Variants in FAM114A1 observed in about 807,000 individuals in gnomAD.
The protein encoded by FAM114A1 is family with sequence similarity 114 member A1.
FAM114A1 carries 62 observed loss-of-function variants against 64.3 expected under a neutral mutation model. The ratio of observed to expected loss-of-function variants is 0.96; its 90% CI spans 0.79 to 1.19. FAM114A1 has a LOEUF of 1.19. Ranked by LOEUF, FAM114A1 falls within the 50% of genes most tolerant of loss-of-function variation. FAM114A1 has a pLI of 0.00. For missense variants in FAM114A1, 645 were observed against 676.3 expected (o/e 0.95, Z 0.51); for synonymous variants, 254 against 251.1 (o/e 1.01, Z -0.11).
intron 12 of FAM114A1, among the ~76,000 whole-genome samples, chr4:38,932,836 C>G (rs942727421): frequency 6.6e-6 from 1 of 151,122 alleles, no homozygotes; most frequent in Non-Finnish European, 1.5e-5. Context: ...CATTGTTCTA[C>G]GGTCATCTTA....
intron 2 of FAM114A1, among the ~76,000 whole-genome samples, chr4:38,871,570 G>A (rs2109515277): frequency 6.6e-6 from 1 of 152,120 alleles, no homozygotes; most frequent in Non-Finnish European, 1.5e-5. Context: ...AGTTTCTGGG[G>A]TATTTCTGAA....
chr4:38,939,886 C>CTTTTTTTTTTT (rs545845095), intron 13 of FAM114A1, among the ~76,000 whole-genome samples: 2 of 131,668 alleles, frequency 1.5e-5, no homozygotes, highest in Admixed American at 7.6e-5. Context: ...CACTTTCTTT[C>CTTTTTTTTTTT]TTTTTTTTTT....
At chr4:38,878,842 C>T (rs1714934756) in intron 3 of FAM114A1, among the ~76,000 whole-genome samples, 2 of 152,186 alleles carry the variant, frequency 1.3e-5, no homozygotes, top group Admixed American at 1.3e-4. Flanking sequence ...ATCATGACTC[C>T]AGATAATTAA....
intron 2 of FAM114A1, among the ~76,000 whole-genome samples, chr4:38,876,643 T>C (rs1194277965): frequency 1.3e-5 from 2 of 152,240 alleles, no homozygotes. Flanking sequence ...TTCCTATCAG[T>C]GCTGTGACAA....
intron 7 of FAM114A1, 107 bp from the exon 8 acceptor site, chr4:38,914,814 C>A: frequency 8.0e-7 from 1 of 1,242,684 alleles, no homozygotes; most frequent in Non-Finnish European, 1.1e-6. Context: ...ACCAGAATCT[C>A]CCCCTCTCCA....
In FAM114A1 at chr4:38,931,396, A is replaced by G. The variant is rs1720617450; in HGVS notation, c.1162-55A>G. ...TGATTCTAGTCTTGGGGTTGGAATG[A>G]CTTAGTTTCCATATTTGCGCCATAA... On this transcript the variant is annotated intron_variant, in intron 10 of 14. Transcript: ENST00000358869. The G allele has an allele frequency of 5.2e-6, 8 of 1,546,192 alleles. No individual in the cohort carries two copies. In the South Asian group the frequency reaches 1.0e-4, roughly 20 times the overall value.
chr4:38,939,461 T>C (rs2109812500), intron 13 of FAM114A1, among the ~76,000 whole-genome samples: 1 of 152,338 alleles, frequency 6.6e-6, no homozygotes, highest in South Asian at 2.1e-4. Flanking sequence ...AAAACCAATG[T>C]CATCTTATTG....
chr4:38,886,929 A>G (rs1389099838), intron 3 of FAM114A1, among the ~76,000 whole-genome samples: 6 of 142,940 alleles, frequency 4.2e-5, no homozygotes, highest in Non-Finnish European at 9.1e-5. Flanking sequence ...CTCCGTCTCA[A>G]AAAAAAAAAA....
intron 4 of FAM114A1, among the ~76,000 whole-genome samples, chr4:38,893,472 C>A (rs1481982835): frequency 6.6e-6 from 1 of 152,192 alleles, no homozygotes; most frequent in Non-Finnish European, 1.5e-5. Flanking sequence ...GGAGGACTTA[C>A]TCTTTCATTA....
intron 4 of FAM114A1, among the ~76,000 whole-genome samples, chr4:38,904,086 CA>C (rs1168541771): frequency 6.6e-6 from 1 of 152,188 alleles, no homozygotes; most frequent in Non-Finnish European, 1.5e-5. Flanking sequence ...AGTTAGCTCT[CA>C]AATTCTGTTG....
intron 4 of FAM114A1, 31 bp from the exon 5 acceptor site, chr4:38,905,491 T>C (rs1560307238): frequency 1.3e-6 from 2 of 1,490,118 alleles, no homozygotes; most frequent in East Asian, 2.3e-5. Flanking sequence ...ATTTCTAATG[T>C]ATCCATGAAC....
At chr4:38,929,691 C>T (rs1053996191) in intron 10 of FAM114A1, among the ~76,000 whole-genome samples, 2 of 152,206 alleles carry the variant, frequency 1.3e-5, no homozygotes, top group East Asian at 1.9e-4. Context: ...GCAAGAGAAT[C>T]GCTTGAACCC....
intron 4 of FAM114A1, among the ~76,000 whole-genome samples, chr4:38,904,803 TA>T (rs1717826086): frequency 6.6e-6 from 1 of 152,210 alleles, no homozygotes; most frequent in African/African-American, 2.4e-5. Flanking sequence ...ATATCTTCCA[TA>T]AGGAGCTTAC....
intron 4 of FAM114A1, among the ~76,000 whole-genome samples, chr4:38,904,006 G>A (rs1717757255): frequency 6.6e-6 from 1 of 152,174 alleles, no homozygotes; most frequent in South Asian, 2.1e-4. Flanking sequence ...TCATCCATGT[G>A]TTCCCCTTTC....
intron 13 of FAM114A1, among the ~76,000 whole-genome samples, chr4:38,940,460 G>C (rs1039836214): frequency 6.6e-6 from 1 of 151,636 alleles, no homozygotes; most frequent in African/African-American, 2.4e-5. Context: ...ATGGAAGGAG[G>C]CCCAAAAAAG....
At chr4:38,910,707 A>C (rs567302426) in intron 7 of FAM114A1, among the ~76,000 whole-genome samples, 2 of 152,206 alleles carry the variant, frequency 1.3e-5, no homozygotes, top group African/African-American at 2.4e-5. Context: ...TTGGCCATGC[A>C]GGAACCTGAG....
intron 10 of FAM114A1, among the ~76,000 whole-genome samples, chr4:38,930,086 C>T (rs1285787782): frequency 6.6e-6 from 1 of 152,158 alleles, no homozygotes; most frequent in Admixed American, 6.5e-5. Context: ...GCACGTCAGC[C>T]AGGTAAACCC....
At chr4:38,910,059 C>T (rs866568244) in intron 7 of FAM114A1, among the ~76,000 whole-genome samples, 1 of 151,944 alleles carries the variant, frequency 6.6e-6, no homozygotes, top group East Asian at 1.9e-4. Flanking sequence ...ATGGTGAAAC[C>T]CTGTCTTTAC....
intron 3 of FAM114A1, among the ~76,000 whole-genome samples, chr4:38,880,107 G>GAATAGAA (rs1715084182): frequency 7.9e-6 from 1 of 127,274 alleles, no homozygotes; most frequent in Admixed American, 8.0e-5. Flanking sequence ...ATAAAATAGA[G>GAATAGAA]TAGAATAGAA....
Sources: gnomAD v4.1 joint callset for allele counts (sites outside exome capture counted in the v4.1 genomes callset) on GRCh38, gnomAD v4.1.1 for gene constraint, MANE v1.5 for transcripts, NCBI Gene and HGNC (gene_info 2026-07-23, HGNC 2026-07-21) for gene names.